Variants in STXBP6 observed in about 807,000 individuals in gnomAD.
STXBP6 encodes syntaxin binding protein 6, also known as syntaxin-binding protein 6.
In STXBP6, 21 loss-of-function variants were observed where a neutral mutation model predicts 26.9. The observed-to-expected ratio is 0.78, with a 90% CI of 0.55 to 1.12. The LOEUF (loss-of-function observed/expected upper bound fraction) is 1.12, where lower values mean the gene tolerates loss of function less well. Ranked by LOEUF, STXBP6 falls within the 50% of genes most tolerant of loss-of-function variation. The probability of loss-of-function intolerance (pLI) is 0.00; values close to 1 mark genes in which losing one functional copy is unlikely to be tolerated. For missense variants in STXBP6, 232 were observed against 257.9 expected (o/e 0.90, Z 0.69); for synonymous variants, 97 against 92.6 (o/e 1.05, Z -0.27).
chr14:24,939,904 G>A (rs1344521826), intron 2 of STXBP6, among the ~76,000 whole-genome samples: 1 of 152,140 alleles, frequency 6.6e-6, no homozygotes, highest in East Asian at 1.9e-4. Flanking sequence ...AGAGCTAGTG[G>A]CTGCTGTACT....
intron 2 of STXBP6, among the ~76,000 whole-genome samples, chr14:24,936,995 T>A (rs891768219): frequency 6.6e-6 from 1 of 152,234 alleles, no homozygotes; most frequent in East Asian, 1.9e-4. Context: ...TACAGGCACA[T>A]GGATGAAGCT....
chr14:25,014,266 A>G lies in STXBP6; in HGVS notation c.-33+35612T>C, dbSNP rs573080455. Among the ~76,000 whole-genome samples the G allele has an allele frequency of 1.3e-3, 196 of 151,622 alleles. 1 individual carries two copies. Among genetic ancestry groups the G allele is most frequent in the South Asian group, 6.2e-4 (3 of 4,824 alleles). On this transcript the variant is annotated intron_variant, in intron 1 of 5. Coordinates refer to ENST00000323944, the MANE Select transcript of STXBP6 (RefSeq NM_001394410.1). ...TCCCAGCACTTTGAGAGGCCGAGGC[A>G]GGTGGATCACTTGAGGCCAGGAGTT...
At chr14:24,820,086 A>G (rs1349410780) in intron 4 of STXBP6, among the ~76,000 whole-genome samples, 2 of 152,268 alleles carry the variant, frequency 1.3e-5, no homozygotes, top group African/African-American at 4.8e-5. Flanking sequence ...AATCACTGAG[A>G]AATAGCAACT....
intron 2 of STXBP6, among the ~76,000 whole-genome samples, chr14:24,933,542 T>A (rs2072496824): frequency 6.6e-6 from 1 of 152,224 alleles, no homozygotes; most frequent in South Asian, 2.1e-4. Flanking sequence ...AAAGCTTTAG[T>A]ATTTTTTATT....
At chr14:25,027,434 A>T (rs926214090) in intron 1 of STXBP6, among the ~76,000 whole-genome samples, 26 of 152,164 alleles carry the variant, frequency 1.7e-4, no homozygotes, top group Admixed American at 1.4e-3. Flanking sequence ...CAGTGAACTT[A>T]ATCAATAAAT....
intron 2 of STXBP6, among the ~76,000 whole-genome samples, chr14:24,950,865 T>C (rs2073145365): frequency 6.6e-6 from 1 of 152,148 alleles, no homozygotes; most frequent in Non-Finnish European, 1.5e-5. Context: ...CTACATTAGG[T>C]ATTTCTCCCA....
intron 2 of STXBP6, among the ~76,000 whole-genome samples, chr14:24,941,232 T>C (rs550704086): frequency 6.6e-6 from 1 of 152,262 alleles, no homozygotes; most frequent in African/African-American, 2.4e-5. Context: ...GAATAATAGA[T>C]GGTCACTAAC....
intron 2 of STXBP6, among the ~76,000 whole-genome samples, chr14:24,859,356 AT>A (rs1313726859): frequency 1.3e-5 from 2 of 151,942 alleles, no homozygotes; most frequent in Non-Finnish European, 2.9e-5. Flanking sequence ...GTTTATTGTT[AT>A]TATCTCCAGC....
chr14:24,876,459 C>CCT (rs537266151), intron 2 of STXBP6, among the ~76,000 whole-genome samples: 73 of 152,256 alleles, frequency 4.8e-4, no homozygotes, highest in African/African-American at 1.7e-3. Flanking sequence ...TTCCAGTGCC[C>CCT]CTGCCCAGGC....
At chr14:24,916,243 A>G (rs1425873466) in intron 2 of STXBP6, among the ~76,000 whole-genome samples, 1 of 152,114 alleles carries the variant, frequency 6.6e-6, no homozygotes, top group Non-Finnish European at 1.5e-5. Flanking sequence ...CTTAAAGAAA[A>G]CTAAGATTGA....
intron 1 of STXBP6, among the ~76,000 whole-genome samples, chr14:24,990,659 C>CAAAAAAAAAAAAA (rs1211659589): frequency 7.0e-5 from 4 of 57,336 alleles, no homozygotes; most frequent in Non-Finnish European, 1.0e-4. Flanking sequence ...AACTCCATCT[C>CAAAAAAAAAAAAA]AAAAAAAAAA....
chr14:24,897,737 A>G (rs1029874164), intron 2 of STXBP6, among the ~76,000 whole-genome samples: 4 of 152,176 alleles, frequency 2.6e-5, no homozygotes, highest in Admixed American at 6.5e-5. Context: ...TGATGTTTTA[A>G]AAGTCCAAGG....
intron 2 of STXBP6, among the ~76,000 whole-genome samples, chr14:24,880,480 G>A (rs1478531508): frequency 6.6e-6 from 1 of 152,130 alleles, no homozygotes; most frequent in Non-Finnish European, 1.5e-5. Context: ...TCCTCTGAAG[G>A]ATGGGGAGGG....
chr14:24,873,295 A>T (rs1595012980), intron 2 of STXBP6, among the ~76,000 whole-genome samples: 1 of 76,758 alleles, frequency 1.3e-5, no homozygotes, highest in South Asian at 5.8e-4. Flanking sequence ...ACATTTAGAT[A>T]AAAAAAAAAA....
At chr14:24,928,077 C>T (rs1266086878) in intron 2 of STXBP6, among the ~76,000 whole-genome samples, 2 of 152,104 alleles carry the variant, frequency 1.3e-5, no homozygotes, top group Admixed American at 1.3e-4. Context: ...CAAAACGGTC[C>T]TTCGGAATTT....
intron 2 of STXBP6, among the ~76,000 whole-genome samples, chr14:24,935,434 T>C (rs769218152): frequency 7.2e-5 from 11 of 152,096 alleles, no homozygotes; most frequent in Non-Finnish European, 1.5e-4. Flanking sequence ...AATAAATCCA[T>C]ATATATGATT....
intron 2 of STXBP6, among the ~76,000 whole-genome samples, chr14:24,875,155 T>C (rs116350957): frequency 0.011 from 1,670 of 152,288 alleles, 34 homozygotes; most frequent in African/African-American, 0.038. Flanking sequence ...CTGGGGGTCC[T>C]GTGCCCATTC....
chr14:25,045,336 C>T (rs888612511), intron 1 of STXBP6, among the ~76,000 whole-genome samples: 1 of 152,026 alleles, frequency 6.6e-6, no homozygotes, highest in Non-Finnish European at 1.5e-5. Flanking sequence ...CAGTGCTTCC[C>T]AAATGGATTT....
chr14:25,003,885 G>T (rs1419555231), intron 1 of STXBP6, among the ~76,000 whole-genome samples: 1 of 152,238 alleles, frequency 6.6e-6, no homozygotes, highest in African/African-American at 2.4e-5. Context: ...CATACTTGGT[G>T]AAAGTATGAA....
Sources: allele counts gnomAD v4.1 joint callset (sites outside exome capture counted in the v4.1 genomes callset), GRCh38; gene constraint gnomAD v4.1.1; transcripts MANE v1.5; gene names NCBI Gene and HGNC (gene_info 2026-07-23, HGNC 2026-07-21).